Variants in INPP5F observed in about 807,000 individuals in gnomAD.
INPP5F encodes the protein phosphatidylinositide 4-phosphatase SAC2.
Under a neutral mutation model 137.2 loss-of-function variants are expected in INPP5F, and 97 were observed. The observed-to-expected ratio is 0.71, with a 90% confidence interval of 0.60 to 0.84. INPP5F has a LOEUF of 0.84. INPP5F is among the 40% of genes least tolerant of loss of function. The pLI, the probability that INPP5F is intolerant of heterozygous loss-of-function variation, is 0.00. For missense variants in INPP5F, 1,271 were observed against 1,371.9 expected, an observed-to-expected ratio of 0.93 and a Z score of 1.16; for synonymous variants, 504 against 476.9, an observed-to-expected ratio of 1.06 and a Z score of -0.74.
At chr10:119,754,817 C>T (rs991761013) in intron 2 of INPP5F, among the ~76,000 whole-genome samples, 3 of 152,062 alleles carry the variant, frequency 2.0e-5, no homozygotes, top group Non-Finnish European at 4.4e-5. Flanking sequence ...TCCCTGCCCC[C>T]GATTAAAGCT....
Position 119,762,519 on chromosome 10 carries a change from C to G in INPP5F, c.178+11363C>G, listed in dbSNP as rs562556844. ...TAGGATTTCAACATACAGTCACGGT[C>G]CTCCCTATCTGTAGGTTCCACATCT... On this transcript the variant is annotated intron_variant, in intron 2 of 19. Transcript: ENST00000650623. Among the ~76,000 whole-genome samples the G allele has an allele frequency of 4.6e-5, 7 of 152,230 alleles. No individual in the cohort carries two copies. The South Asian group carries it at 1.5e-3, about 32-fold the overall frequency.
rs551480952 is a variant in INPP5F, at chr10:119,748,024, C to G, written c.98-3052C>G. Among the ~76,000 whole-genome samples, 11 of 152,350 alleles carry G rather than the reference C, an allele frequency of 7.2e-5. No homozygotes were observed. In the South Asian group the frequency reaches 2.3e-3, roughly 32 times the overall value. On this transcript the variant is annotated intron_variant, in intron 1 of 19. Coordinates refer to ENST00000650623, the MANE Select transcript of INPP5F (RefSeq NM_014937.4). The surrounding 1 kb of genome is among the most constrained non-coding windows in gnomAD (Gnocchi z 4.7). ...CCTCGGGTCCACTGGGCTTTTTCCACTGTCTTGGCTCGGCAAGCTGTGCTG... is the reference window on the plus strand; with the variant it reads ...CCTCGGGTCCACTGGGCTTTTTCCAGTGTCTTGGCTCGGCAAGCTGTGCTG...
chr10:119,776,544 G>T (rs1049480041), intron 2 of INPP5F, among the ~76,000 whole-genome samples: 13 of 152,108 alleles, frequency 8.5e-5, no homozygotes, highest in African/African-American at 3.1e-4. Flanking sequence ...TACTATATTT[G>T]ATAATGTACA....
intron 2 of INPP5F, among the ~76,000 whole-genome samples, chr10:119,762,077 C>T (rs1036206999): frequency 1.4e-4 from 22 of 152,102 alleles, no homozygotes; most frequent in East Asian, 3.8e-4. Flanking sequence ...TCTCGTTCCA[C>T]GAATACTGTA....
At chr10:119,747,981 C>T (rs531291586) in intron 1 of INPP5F, among the ~76,000 whole-genome samples, 3 of 152,156 alleles carry the variant, frequency 2.0e-5, no homozygotes, top group East Asian at 3.8e-4. Context: ...TGGCCAGTGG[C>T]GATTTTGCCT....
At chr10:119,815,382 C>T (rs1194474507) in intron 15 of INPP5F, 6 of 133,616 alleles carry the variant, frequency 4.5e-5, no homozygotes, top group Non-Finnish European at 1.0e-4. Flanking sequence ...CCATCCTTAT[C>T]TTCTTCCTTG....
At chr10:119,731,393 G>T (rs1222541419) in intron 1 of INPP5F, among the ~76,000 whole-genome samples, 1 of 152,072 alleles carries the variant, frequency 6.6e-6, no homozygotes, top group Non-Finnish European at 1.5e-5. Flanking sequence ...GCTAGGCATG[G>T]TGGCTCGCGC....
chr10:119,796,562 C>T (rs538525009), intron 6 of INPP5F, among the ~76,000 whole-genome samples, 153 bp from the exon 7 acceptor site: 29 of 152,278 alleles, frequency 1.9e-4, no homozygotes, highest in African/African-American at 6.0e-4. Flanking sequence ...CCGTTCCTTA[C>T]GTGGTGTTCT....
At chr10:119,823,525 T>G (rs1851643319) in intron 18 of INPP5F, among the ~76,000 whole-genome samples, 1 of 152,240 alleles carries the variant, frequency 6.6e-6, no homozygotes, top group Non-Finnish European at 1.5e-5. Flanking sequence ...GCCTGTCTCA[T>G]TCATGGCTGT....
intron 2 of INPP5F, among the ~76,000 whole-genome samples, chr10:119,778,344 T>C (rs1849593922): frequency 1.3e-5 from 2 of 152,128 alleles, no homozygotes; most frequent in Admixed American, 6.5e-5. Flanking sequence ...ATATGGGAAA[T>C]ATATGGTGTT....
chr10:119,749,365 C>T (rs937989344), intron 1 of INPP5F, among the ~76,000 whole-genome samples: 3 of 152,364 alleles, frequency 2.0e-5, no homozygotes, highest in East Asian at 3.9e-4. Context: ...AGACAGGCTG[C>T]GGCTGCCATC....
Position 119,805,430 on chromosome 10 carries a change from T to A in INPP5F, c.1288T>A (p.Tyr430Asn). The change falls in exon 11 of 20, where the codon TAT (tyrosine) becomes AAT (asparagine). Residue 430 changes from tyrosine to asparagine, a missense_variant. By Grantham distance (143) the Tyr-to-Asn change is moderately radical. This residue lies in a region of INPP5F where 593 missense variants were observed against 712.4 expected (regional missense o/e 0.83). Transcript: ENST00000650623. ...ENVQTLTDAI[Y>N]DIILDMKWCW... ...TGTTCAGACACTAACAGATGCCATT[T>A]ATGACATTATTCTTGATATGAAGTG... 1 of 1,612,762 alleles carries A rather than the reference T, an allele frequency of 6.2e-7. No homozygotes were observed.
chr10:119,810,580 A>G (rs373726675), intron 14 of INPP5F, among the ~76,000 whole-genome samples: 8 of 152,166 alleles, frequency 5.3e-5, no homozygotes, highest in African/African-American at 1.9e-4. Flanking sequence ...ATGTAACCAG[A>G]TTATTTTTCC....
At chr10:119,817,235 G>T (rs1013751253) in intron 15 of INPP5F, among the ~76,000 whole-genome samples, 2 of 152,140 alleles carry the variant, frequency 1.3e-5, no homozygotes, top group African/African-American at 4.8e-5. Context: ...TTCTTCTCTT[G>T]ATGGGCATTT....
intron 2 of INPP5F, among the ~76,000 whole-genome samples, chr10:119,779,545 G>A (rs1054574082): frequency 6.6e-6 from 1 of 151,748 alleles, no homozygotes; most frequent in African/African-American, 2.4e-5. Flanking sequence ...TCAGCCTCCC[G>A]AGTAGCTGGG....
At chr10:119,734,910 TA>T (rs1554883051) in intron 1 of INPP5F, among the ~76,000 whole-genome samples, 2 of 108,866 alleles carry the variant, frequency 1.8e-5, no homozygotes, top group Non-Finnish European at 4.7e-5. Flanking sequence ...TCATAATCAT[TA>T]TGTGTCAGCT....
intron 1 of INPP5F, among the ~76,000 whole-genome samples, chr10:119,740,780 A>G (rs866517666): frequency 2.6e-5 from 4 of 152,084 alleles, no homozygotes; most frequent in African/African-American, 9.7e-5. Flanking sequence ...TGACCTCATC[A>G]TCCTCCTGCC....
chr10:119,822,509 G>C lies in INPP5F; in HGVS notation c.2032+5G>C. The C allele has an allele frequency of 7.2e-7, 1 of 1,381,618 alleles. No homozygotes were observed. Among genetic ancestry groups the C allele is most frequent in the East Asian group, 2.4e-5 (1 of 42,188 alleles). 85.6% of individuals were successfully genotyped at this position (1,381,618 alleles called of 1,614,324 possible). A position where few individuals can be genotyped will look rare whatever the true frequency, so the allele number is the denominator to read the frequency against. ...ACCTGGAAAAAATTGAAATAGGTAA[G>C]TTTTAACATACTAATCAAGTCATCA... On this transcript the variant is annotated splice_donor_5th_base_variant and intron_variant, in intron 17 of 19. Coordinates refer to ENST00000650623, the MANE Select transcript of INPP5F (RefSeq NM_014937.4).
intron 3 of INPP5F, among the ~76,000 whole-genome samples, chr10:119,786,521 A>G (rs1487392533): frequency 6.6e-6 from 1 of 152,206 alleles, no homozygotes; most frequent in Non-Finnish European, 1.5e-5. Context: ...AGATTCTAAC[A>G]TACTCACTGG....
Sources: gnomAD v4.1 joint callset for allele counts (sites outside exome capture counted in the v4.1 genomes callset) on GRCh38, gnomAD v4.1.1 for gene constraint, gnomAD v4.1.1 regional missense constraint, Gnocchi (gnomAD v3.1) non-coding constraint, MANE v1.5 for transcripts, NCBI Gene and HGNC (gene_info 2026-07-23, HGNC 2026-07-21) for gene names.